RPA1: variants seen among roughly 807,000 people sequenced by gnomAD.
RPA1 encodes the protein replication protein A 70 kDa DNA-binding subunit.
Under a neutral mutation model 83.0 loss-of-function variants are expected in RPA1, and 49 were observed. That is an observed-to-expected ratio of 0.59 (90% CI 0.47 to 0.75). The LOEUF (loss-of-function observed/expected upper bound fraction) is 0.75. Ranked by LOEUF, RPA1 falls within the 30% of genes least tolerant of loss-of-function variation. The pLI is 0.00. For missense variants in RPA1, 693 were observed against 776.1 expected (o/e 0.89, Z 1.27); for synonymous variants, 279 against 281.8 (o/e 0.99, Z 0.10).
intron 7 of RPA1, among the ~76,000 whole-genome samples, chr17:1,876,504 A>G (rs770041226): frequency 6.6e-6 from 1 of 152,214 alleles, no homozygotes; most frequent in Non-Finnish European, 1.5e-5. Flanking sequence ...GCAGTGAGCC[A>G]AGATTGTGCC....
intron 12 of RPA1, among the ~76,000 whole-genome samples, chr17:1,881,210 T>C (rs1404323382): frequency 1.3e-5 from 2 of 152,218 alleles, no homozygotes; most frequent in African/African-American, 4.8e-5. Flanking sequence ...ATCTCCTCAC[T>C]GTATCTAGCT....
intron 16 of RPA1, 67 bp downstream of exon 16, chr17:1,895,162 G>C: frequency 7.8e-7 from 1 of 1,276,756 alleles, no homozygotes; most frequent in South Asian, 1.2e-5. Context: ...CGGCAGTGTC[G>C]TGACACTCCC....
chr17:1,874,287 T>G (rs1913501894), intron 6 of RPA1, among the ~76,000 whole-genome samples: 1 of 152,122 alleles, frequency 6.6e-6, no homozygotes, highest in Non-Finnish European at 1.5e-5. Flanking sequence ...GGAGGATTGC[T>G]TGAGCCCAGC....
chr17:1,852,706 A>G (rs779498893), intron 4 of RPA1, among the ~76,000 whole-genome samples: 10 of 152,248 alleles, frequency 6.6e-5, no homozygotes, highest in Non-Finnish European at 1.2e-4. Context: ...AAAATGGGTC[A>G]TTATTACATT....
At chr17:1,844,120 C>T (rs1407915062) in intron 3 of RPA1, 122 bp downstream of exon 3, 2 of 725,122 alleles carry the variant, frequency 2.8e-6, no homozygotes, top group African/African-American at 3.5e-5. Flanking sequence ...CTACGTACTT[C>T]ATTCAGACAG....
intron 14 of RPA1, chr17:1,891,543 CT>C: frequency 9.9e-6 from 1 of 100,562 alleles, no homozygotes; most frequent in East Asian, 1.9e-4. Flanking sequence ...CCTCAGCCTC[CT>C]GAGTAGCTGG....
At chr17:1,872,189 T>TG in intron 5 of RPA1, 1 of 536,022 alleles carries the variant, frequency 1.9e-6, no homozygotes, top group Non-Finnish European at 3.4e-6. Flanking sequence ...TCATTAACAC[T>TG]GAAGGCTATC....
At chr17:1,831,827 C>T (rs1911616332) in intron 1 of RPA1, among the ~76,000 whole-genome samples, 1 of 151,272 alleles carries the variant, frequency 6.6e-6, no homozygotes, top group African/African-American at 2.4e-5. Context: ...TCTCGATCTC[C>T]TGACCTTGTG....
intron 5 of RPA1, among the ~76,000 whole-genome samples, chr17:1,856,486 C>G (rs1912702791): frequency 6.6e-6 from 1 of 151,970 alleles, no homozygotes; most frequent in Non-Finnish European, 1.5e-5. Flanking sequence ...GTAGTCCCAG[C>G]CACTCGTGAG....
intron 16 of RPA1, among the ~76,000 whole-genome samples, chr17:1,895,319 A>G (rs1407572033): frequency 1.3e-5 from 2 of 150,446 alleles, no homozygotes; most frequent in East Asian, 1.9e-4. Context: ...GGAATACAAT[A>G]TGGATTTTTT....
At chr17:1,856,768 G>C (rs1841270674) in intron 5 of RPA1, among the ~76,000 whole-genome samples, 1 of 151,426 alleles carries the variant, frequency 6.6e-6, no homozygotes. Flanking sequence ...CTGCCCTCAA[G>C]TGATCTGCCT....
At chr17:1,838,133 A>C (rs2151267773) in intron 1 of RPA1, among the ~76,000 whole-genome samples, 1 of 151,550 alleles carries the variant, frequency 6.6e-6, no homozygotes, top group Non-Finnish European at 1.5e-5. Context: ...CTCTACTAAA[A>C]ATACAAAATT....
At chr17:1,835,247 C>T (rs746886924) in intron 1 of RPA1, among the ~76,000 whole-genome samples, 76 of 152,092 alleles carry the variant, frequency 5.0e-4, no homozygotes, top group Non-Finnish European at 8.7e-4. Context: ...CTCCTGGGCT[C>T]AAGTGATCCT....
chr17:1,833,929 C>G (rs1413019327), intron 1 of RPA1, among the ~76,000 whole-genome samples: 1 of 152,236 alleles, frequency 6.6e-6, no homozygotes, highest in Non-Finnish European at 1.5e-5. Flanking sequence ...TGCCTGTAAT[C>G]TAAGCACTTT....
At chr17:1,833,870 G>C (rs1298068372) in intron 1 of RPA1, among the ~76,000 whole-genome samples, 5 of 145,124 alleles carry the variant, frequency 3.4e-5, no homozygotes, top group Admixed American at 7.0e-5. Context: ...AGAAAAGAAT[G>C]GTTCTTCACT....
intron 4 of RPA1, among the ~76,000 whole-genome samples, chr17:1,850,952 C>CT (rs767679670): frequency 6.6e-5 from 10 of 151,964 alleles, no homozygotes; most frequent in African/African-American, 1.9e-4. Flanking sequence ...TTTTAAAAAT[C>CT]TTTTTTCTGG....
At chr17:1,885,669 G>C (rs750929984) in intron 13 of RPA1, among the ~76,000 whole-genome samples, 1 of 152,048 alleles carries the variant, frequency 6.6e-6, no homozygotes, top group Non-Finnish European at 1.5e-5. Flanking sequence ...AAACTCCTGG[G>C]CTCAAGGGAT....
chr17:1,866,586 G>A (rs1247248986), intron 5 of RPA1, among the ~76,000 whole-genome samples: 1 of 152,102 alleles, frequency 6.6e-6, no homozygotes, highest in African/African-American at 2.4e-5. Context: ...CGAAGTGCTG[G>A]GATTATAGGC....
rs762100052 is a variant in RPA1 at position 1,879,198 on chromosome 17, C to T, written c.760-17C>T. The T allele has an allele frequency of 3.1e-6, 5 of 1,611,680 alleles. No individual in the cohort carries two copies. Among genetic ancestry groups the T allele is most frequent in the Non-Finnish European group, 4.2e-6 (5 of 1,178,436 alleles). ...TTGATGGTAGTCTCAGGTTCTGTGG[C>T]TTGGCCTCCTTCGCAGGTGTATTAT... is the stretch of plus-strand genomic sequence containing the variant. On this transcript the variant is annotated splice_polypyrimidine_tract_variant and intron_variant, in intron 9 of 16. Transcript: ENST00000254719.
Sources: allele counts gnomAD v4.1 joint callset (sites outside exome capture counted in the v4.1 genomes callset), GRCh38; gene constraint gnomAD v4.1.1; transcripts MANE v1.5; gene names NCBI Gene and HGNC (gene_info 2026-07-23, HGNC 2026-07-21).